ANO9: variants seen among roughly 807,000 people sequenced by gnomAD.
The protein encoded by ANO9 is anoctamin-9.
In ANO9, 80 loss-of-function variants were observed where a neutral mutation model predicts 100.5. That is an observed-to-expected ratio of 0.80 (90% CI 0.66 to 0.96). The LOEUF (loss-of-function observed/expected upper bound fraction) is 0.96, where lower values mean the gene tolerates loss of function less well. Among genes scored for constraint, ANO9 ranks in the 40% least tolerant of loss-of-function variants. The probability of loss-of-function intolerance (pLI) is 0.00; values close to 1 mark genes in which losing one functional copy is unlikely to be tolerated. For missense variants in ANO9, 1,064 were observed against 1,072.7 expected, an observed-to-expected ratio of 0.99 and a Z score of 0.11; for synonymous variants, 473 against 435.6, an observed-to-expected ratio of 1.09 and a Z score of -1.07.
At chr11:427,707 G>C (rs971173520) in intron 15 of ANO9, among the ~76,000 whole-genome samples, 5 of 149,128 alleles carry the variant, frequency 3.4e-5, no homozygotes, top group Non-Finnish European at 6.0e-5. Context: ...CCCTGTCTCT[G>C]TCTCTCTCTC....
In ANO9 at chr11:431,738, C is replaced by T. The variant is rs148606563; in HGVS notation, c.495G>A (p.Ala165=). 4.8e-5 allele frequency: 78 copies of T among 1,612,648 alleles called. No homozygotes were observed. The African/African-American group carries it at 9.3e-4, about 19-fold the overall frequency. ...KGEGRLKKTW[A]RWRHMFREQP... Reference sequence around the variant, plus strand: ...GCTCCCGGAACATGTGTCTCCACCGCGCCCACGTCTTCTTCAGGCGTCCCT... The same window carrying T: ...GCTCCCGGAACATGTGTCTCCACCGTGCCCACGTCTTCTTCAGGCGTCCCT... Residue 165 remains alanine (A), a synonymous_variant, in exon 7 of 23, where the codon GCG becomes GCA. Coordinates refer to ENST00000332826, the MANE Select transcript of ANO9 (RefSeq NM_001012302.3).
rs752943942 is a variant in ANO9, at chr11:433,864, C to T, written c.155G>A (p.Arg52Gln). The T allele has an allele frequency of 4.5e-6, 7 of 1,562,958 alleles. No homozygotes were observed. The highest frequency in any genetic ancestry group is 1.7e-4 in the Middle Eastern group (1 of 6,020). The change falls in exon 3 of 23, where the codon CGG becomes CAG. Residue 52 changes from arginine to glutamine, a missense_variant. Transcript: ENST00000332826. Reference protein sequence around the residue: ...RHTQRDPRQARQQQFLEELRR... With the variant: ...RHTQRDPRQAQQQQFLEELRR... ...GAGCTCCTCCAGGAACTGTTGCTGC[C>T]GCGCCTGCCGGGGGTCTCTCTGGGT...
chr11:430,078 C>T lies in ANO9; in HGVS notation c.771+5G>A. The T allele has an allele frequency of 6.5e-7, 1 of 1,549,836 alleles. No individual in the cohort carries two copies. The highest frequency in any genetic ancestry group is 1.4e-5 in the African/African-American group (1 of 73,134). On this transcript the variant is annotated splice_donor_5th_base_variant and intron_variant, in intron 9 of 22. Transcript: ENST00000332826. ...GGCCCTGGGGTGGACCCGGAGGCGA[C>T]AAACCTTGGCAAAAGTGCAGGTTTC...
chr11:433,865 G>T lies in ANO9; in HGVS notation c.154C>A (p.Arg52=). ...RHTQRDPRQA[R]QQQFLEELRR... ...AGCTCCTCCAGGAACTGTTGCTGCC[G>T]CGCCTGCCGGGGGTCTCTCTGGGTG... The change falls in exon 3 of 23, where the codon CGG becomes AGG. Residue 52 remains arginine, a synonymous_variant. Transcript: ENST00000332826. 6.4e-7 allele frequency: 1 copy of T among 1,563,320 alleles called. No homozygotes were observed. Among genetic ancestry groups the T allele is most frequent in the Non-Finnish European group, 8.7e-7 (1 of 1,154,016 alleles).
At chr11:437,274 C>T (rs767864519) in intron 1 of ANO9, among the ~76,000 whole-genome samples, 2 of 152,114 alleles carry the variant, frequency 1.3e-5, no homozygotes, top group Admixed American at 6.5e-5. Flanking sequence ...TTGTCTTCTG[C>T]GAAACTGGTC....
intron 3 of ANO9, 50 bp from the exon 4 acceptor site, chr11:433,509 A>G: frequency 6.3e-7 from 1 of 1,583,180 alleles, no homozygotes; most frequent in Non-Finnish European, 8.6e-7. Context: ...TCCCCGCTCT[A>G]TCCCGCCTCA....
intron 1 of ANO9, among the ~76,000 whole-genome samples, chr11:436,630 A>T (rs1402140905): frequency 2.0e-5 from 3 of 148,426 alleles, no homozygotes; most frequent in Non-Finnish European, 4.5e-5. Context: ...GGGAGTGAGC[A>T]GGGAGTGAGC....
chr11:418,778 A>G lies in ANO9; in HGVS notation c.2072T>C (p.Phe691Ser). The G allele has an allele frequency of 6.2e-7, 1 of 1,613,124 alleles. No homozygotes were observed. The highest frequency in any genetic ancestry group is 8.5e-7 in the Non-Finnish European group (1 of 1,179,984). ...CAGGAGGAACCAGAACTGCTCGGAG[A>G]AGTTGTAATCGGGGGGATTGCGGTA... ...RDYRNPPDYNFSEQFWFLLAI... is the reference protein window; with the variant it reads ...RDYRNPPDYNSSEQFWFLLAI... The change falls in exon 22 of 23, where the codon TTC becomes TCC. Residue 691 changes from phenylalanine (F) to serine (S), a missense_variant. Phe to Ser is a radical substitution (Grantham distance 155). Coordinates refer to ENST00000332826, the MANE Select transcript of ANO9 (RefSeq NM_001012302.3).
chr11:428,327 C>T (rs973902420), intron 14 of ANO9, 31 bp downstream of exon 14: 2 of 1,611,838 alleles, frequency 1.2e-6, no homozygotes, highest in African/African-American at 2.7e-5. Flanking sequence ...CCCGCCGGGT[C>T]CCCCAAGAGG....
In ANO9 at chr11:428,757, G is replaced by C. The variant is rs140961109; in HGVS notation, c.985C>G (p.Arg329Gly). ...KLRPYQHSYL[R>G]STVILVLTLL... ...GTCAGGACGAGGATGACGGTGCTGC[G>C]TAGGTAGGAGTGCTGGTATGGCCGG... The change falls in exon 12 of 23, where the codon CGC becomes GGC. Residue 329 changes from arginine to glycine, a missense_variant. Physicochemically the swap from Arg to Gly is moderately radical, Grantham distance 125. Coordinates refer to ENST00000332826, the MANE Select transcript of ANO9 (RefSeq NM_001012302.3). 6.2e-7 allele frequency: 1 copy of C among 1,613,382 alleles called. No homozygotes were observed. Among genetic ancestry groups the C allele is most frequent in the East Asian group, 2.2e-5 (1 of 44,888 alleles).
intron 15 of ANO9, among the ~76,000 whole-genome samples, chr11:426,423 A>C (rs1396860770): frequency 6.6e-6 from 1 of 151,952 alleles, no homozygotes; most frequent in Non-Finnish European, 1.5e-5. Context: ...AATAGAAAAA[A>C]TTAGCCAGGC....
intron 15 of ANO9, among the ~76,000 whole-genome samples, chr11:427,656 C>G (rs1380974891): frequency 6.6e-6 from 1 of 152,038 alleles, no homozygotes; most frequent in Non-Finnish European, 1.5e-5. Flanking sequence ...CTGCAGTGAG[C>G]CAACATTGTG....
rs1847953394 is a variant in ANO9 at position 418,075 on chromosome 11, T to G, written c.*296A>C. ...GAAGTCAGAGGGAGGCCCAGGAAAT[T>G]TGCGCCAGTTTTCCTGCCTTGTGGC... On this transcript the variant is annotated 3_prime_UTR_variant, in exon 23 of 23. Transcript: ENST00000332826. 2.6e-6 allele frequency: 1 copy of G among 381,460 alleles called. No individual in the cohort carries two copies. The highest frequency in any genetic ancestry group is 2.1e-5 in the African/African-American group (1 of 48,314). 23.6% of individuals were successfully genotyped at this position (381,460 alleles called of 1,614,324 possible).
chr11:419,458 C>A, intron 20 of ANO9, 124 bp downstream of exon 20: 1 of 1,457,516 alleles, frequency 6.9e-7, no homozygotes, highest in Non-Finnish European at 9.0e-7. Context: ...GCCCCAGCCT[C>A]ACTAAAGCCC....
At chr11:424,968 G>A (rs1020615854) in intron 15 of ANO9, among the ~76,000 whole-genome samples, 23 of 142,808 alleles carry the variant, frequency 1.6e-4, no homozygotes, top group Non-Finnish European at 2.5e-4. Context: ...GCGCGGAGAC[G>A]GGACGCGCGG....
At chr11:424,963 G>C (rs1465293873) in intron 15 of ANO9, among the ~76,000 whole-genome samples, 1 of 147,516 alleles carries the variant, frequency 6.8e-6, no homozygotes, top group East Asian at 2.0e-4. Flanking sequence ...AGGCGGCGCG[G>C]AGACGGGACG....
chr11:434,100 T>C lies in ANO9; in HGVS notation c.7-2A>G. 1 of 1,549,954 alleles carries C rather than the reference T, an allele frequency of 6.5e-7. No individual in the cohort carries two copies. Among genetic ancestry groups the C allele is most frequent in the Non-Finnish European group, 8.7e-7 (1 of 1,146,906 alleles). On this transcript the variant is annotated splice_acceptor_variant, in intron 1 of 22. Transcript: ENST00000332826. LOFTEE classifies it high-confidence loss of function. ...CAGGATCCGGAGGCTCTCTTCGCCC[T>C]GGGGGTTTGGGGGCAGAGAAAGGGA...
rs778235380 is a variant in ANO9 at position 428,411 on chromosome 11, C to T, written c.1186-17G>A. 6 of 1,612,542 alleles carry T rather than the reference C, an allele frequency of 3.7e-6. No homozygotes were observed. The highest frequency in any genetic ancestry group is 1.3e-5 in the African/African-American group (1 of 74,922). On this transcript the variant is annotated splice_polypyrimidine_tract_variant and intron_variant, in intron 13 of 22. Coordinates refer to ENST00000332826, the MANE Select transcript of ANO9 (RefSeq NM_001012302.3). ...CCTGTTGATCTGCGGAGGAGGGCAC[C>T]GAATGGGCTCACTGGGGCTCCGGTG...
rs575224153 is a variant in ANO9 at position 437,037 on chromosome 11, G to C, written c.7-2939C>G. On this transcript the variant is annotated intron_variant, in intron 1 of 22. Coordinates refer to ENST00000332826, the MANE Select transcript of ANO9 (RefSeq NM_001012302.3). ...AGCTGGAGATGAGCGGGGGGTGAGC[G>C]GGGGGTGCGTGGGGGGTGAGCTGGG... is the stretch of plus-strand genomic sequence containing the variant. Among the ~76,000 whole-genome samples, 156 of 128,644 alleles carry C rather than the reference G, an allele frequency of 1.2e-3. 8 individuals carry two copies. Among genetic ancestry groups the C allele is most frequent in the Non-Finnish European group, 1.6e-3 (97 of 59,840 alleles). The allele number at this position is 128,644 out of a possible 152,430, so 84.4% of individuals were successfully genotyped here.
Sources: allele counts gnomAD v4.1 joint callset (sites outside exome capture counted in the v4.1 genomes callset), GRCh38; gene constraint gnomAD v4.1.1; transcripts MANE v1.5; gene names NCBI Gene and HGNC (gene_info 2026-07-23, HGNC 2026-07-21).